Variants in FRMD5 observed in about 807,000 individuals in gnomAD.
The protein encoded by FRMD5 is FERM domain-containing protein 5.
In FRMD5, 20 loss-of-function variants were observed where a neutral mutation model predicts 69.0. The ratio of observed to expected loss-of-function variants is 0.29; its 90% CI spans 0.20 to 0.42. The LOEUF (loss-of-function observed/expected upper bound fraction) is 0.42. Ranked by LOEUF, FRMD5 falls within the 10% of genes least tolerant of loss-of-function variation. FRMD5 has a pLI of 1.00. For missense variants in FRMD5, 595 were observed against 708.6 expected (o/e 0.84, Z 1.82); for synonymous variants, 271 against 260.1 (o/e 1.04, Z -0.40).
chr15:43,924,044 C>T (rs1223326827), intron 2 of FRMD5, among the ~76,000 whole-genome samples, 161 bp downstream of exon 2: 9 of 152,176 alleles, frequency 5.9e-5, no homozygotes, highest in Admixed American at 5.9e-4. Flanking sequence ...AGCCAAGGTG[C>T]CTTCCAGGTC....
chr15:44,153,231 C>T (rs2077474541), intron 1 of FRMD5, among the ~76,000 whole-genome samples: 1 of 152,130 alleles, frequency 6.6e-6, no homozygotes, highest in Non-Finnish European at 1.5e-5. Context: ...CTCAAAATAA[C>T]TGAACACAAG....
At chr15:44,021,325 A>C (rs970469404) in intron 1 of FRMD5, among the ~76,000 whole-genome samples, 1 of 152,210 alleles carries the variant, frequency 6.6e-6, no homozygotes, top group African/African-American at 2.4e-5. Flanking sequence ...TTTAATTTTT[A>C]ATAATTTCTG....
At chr15:44,127,152 G>A (rs2615289) in intron 1 of FRMD5, among the ~76,000 whole-genome samples, 95,131 of 152,078 alleles carry the variant, frequency 0.63, 33,668 homozygotes, top group Non-Finnish European at 0.78. Flanking sequence ...GTGCAATATC[G>A]GCTCACTGCA....
intron 1 of FRMD5, among the ~76,000 whole-genome samples, chr15:44,041,087 C>T (rs1892169876): frequency 7.6e-6 from 1 of 131,302 alleles, no homozygotes; most frequent in Non-Finnish European, 1.6e-5. Context: ...CAACAAAGAC[C>T]AAAAGTGACA....
chr15:43,993,631 T>C (rs1595598828), intron 1 of FRMD5, among the ~76,000 whole-genome samples: 1 of 152,212 alleles, frequency 6.6e-6, no homozygotes, highest in Non-Finnish European at 1.5e-5. Context: ...AATGCTTCCT[T>C]ATTGATTTTT....
At chr15:44,010,492 A>T (rs1890668077) in intron 1 of FRMD5, among the ~76,000 whole-genome samples, 1 of 150,060 alleles carries the variant, frequency 6.7e-6, no homozygotes, top group African/African-American at 2.5e-5. Context: ...CCATCTCCTG[A>T]GTTCAAGCCA....
chr15:44,087,065 G>C (rs528370989), intron 1 of FRMD5, among the ~76,000 whole-genome samples: 1 of 152,176 alleles, frequency 6.6e-6, no homozygotes, highest in South Asian at 2.1e-4. Flanking sequence ...TATCACCCAG[G>C]CTAGAGTGCA....
At chr15:43,909,175 AC>A (rs1049941978) in intron 5 of FRMD5, among the ~76,000 whole-genome samples, 1 of 151,906 alleles carries the variant, frequency 6.6e-6, no homozygotes, top group Admixed American at 6.6e-5. Flanking sequence ...CAGGTGGATC[AC>A]CTGAGGTCAG....
At chr15:44,164,096 G>A (rs1284143216) in intron 1 of FRMD5, among the ~76,000 whole-genome samples, 1 of 151,996 alleles carries the variant, frequency 6.6e-6, no homozygotes, top group Middle Eastern at 3.2e-3. Flanking sequence ...ATCCTCATCT[G>A]TTCTTTCCTG....
chr15:44,085,854 C>T (rs934254716), intron 1 of FRMD5, among the ~76,000 whole-genome samples: 1 of 152,062 alleles, frequency 6.6e-6, no homozygotes, highest in African/African-American at 2.4e-5. Flanking sequence ...ATTATGACAA[C>T]CCCATATATA....
At chr15:44,183,710 G>A (rs761067623) in intron 1 of FRMD5, among the ~76,000 whole-genome samples, 6 of 152,094 alleles carry the variant, frequency 3.9e-5, no homozygotes, top group South Asian at 2.1e-4. Context: ...CAGCCGGCGC[G>A]GTGGCTCAGG....
intron 1 of FRMD5, among the ~76,000 whole-genome samples, chr15:43,991,864 AAC>A (rs1382951245): frequency 6.6e-6 from 1 of 152,214 alleles, no homozygotes; most frequent in Non-Finnish European, 1.5e-5. Context: ...TAAAATCTCT[AAC>A]ACAGCGCAGT....
At chr15:44,026,900 A>G (rs1416898648) in intron 1 of FRMD5, among the ~76,000 whole-genome samples, 1 of 152,362 alleles carries the variant, frequency 6.6e-6, no homozygotes, top group South Asian at 2.1e-4. Context: ...ATTGTCTACC[A>G]GTTCTTTTGC....
At chr15:44,119,019 A>G (rs1011525513) in intron 1 of FRMD5, among the ~76,000 whole-genome samples, 1 of 151,824 alleles carries the variant, frequency 6.6e-6, no homozygotes, top group Non-Finnish European at 1.5e-5. Context: ...CCAGAGTGCA[A>G]TGGCGTGATC....
chr15:43,899,633 A>C (rs1278786252), intron 7 of FRMD5, among the ~76,000 whole-genome samples: 1 of 152,130 alleles, frequency 6.6e-6, no homozygotes, highest in African/African-American at 2.4e-5. Flanking sequence ...GCATACCACA[A>C]ACATCTCTTC....
At chr15:43,982,126 T>C (rs1336084809) in intron 1 of FRMD5, among the ~76,000 whole-genome samples, 2 of 152,202 alleles carry the variant, frequency 1.3e-5, no homozygotes, top group African/African-American at 2.4e-5. Flanking sequence ...GTCCATAGGG[T>C]TGACATCCTT....
intron 1 of FRMD5, among the ~76,000 whole-genome samples, chr15:43,947,119 T>C (rs573335646): frequency 6.6e-6 from 1 of 152,370 alleles, no homozygotes; most frequent in Non-Finnish European, 1.5e-5. Context: ...TAATGAATAC[T>C]AGTGCTTAAG....
chr15:44,178,683 G>C (rs1264589593), intron 1 of FRMD5, among the ~76,000 whole-genome samples: 1 of 152,120 alleles, frequency 6.6e-6, no homozygotes, highest in East Asian at 1.9e-4. Context: ...ATGACATTTA[G>C]ATTTGAGTCT....
intron 1 of FRMD5, among the ~76,000 whole-genome samples, chr15:43,936,640 G>A (rs1039139561): frequency 6.6e-6 from 1 of 151,928 alleles, no homozygotes; most frequent in Non-Finnish European, 1.5e-5. Context: ...TATTCCTGGA[G>A]ATGGTATCCC....
Sources: gnomAD v4.1 joint callset for allele counts (sites outside exome capture counted in the v4.1 genomes callset) on GRCh38, gnomAD v4.1.1 for gene constraint, MANE v1.5 for transcripts, NCBI Gene and HGNC (gene_info 2026-07-23, HGNC 2026-07-21) for gene names.